ZFP64: variants seen among roughly 807,000 people sequenced by gnomAD.
ZFP64 encodes zinc finger protein 64.
Under a neutral mutation model 51.6 loss-of-function variants are expected in ZFP64, and 14 were observed. The ratio of observed to expected loss-of-function variants is 0.27; its 90% CI spans 0.18 to 0.42. The LOEUF (loss-of-function observed/expected upper bound fraction) is 0.42. Among genes scored for constraint, ZFP64 ranks in the 10% least tolerant of loss-of-function variants. The pLI is 1.00. For synonymous variants in ZFP64, 375 were observed against 361.4 expected, an observed-to-expected ratio of 1.04 and a Z score of -0.43; for missense variants, 754 against 906.8, an observed-to-expected ratio of 0.83 and a Z score of 2.16.
At chr20:52,127,213 G>A (rs1040795073) in intron 5 of ZFP64, among the ~76,000 whole-genome samples, 5 of 152,052 alleles carry the variant, frequency 3.3e-5, no homozygotes, top group African/African-American at 1.2e-4. Context: ...GCCTCCCAAA[G>A]TGCTGGGATT....
chr20:52,159,849 G>T (rs1025077283), intron 5 of ZFP64, among the ~76,000 whole-genome samples: 1 of 152,102 alleles, frequency 6.6e-6, no homozygotes, highest in Non-Finnish European at 1.5e-5. Context: ...TTAGCTGGAC[G>T]TGGTGCAACA....
chr20:52,185,685 A>G (rs1983912533), intron 2 of ZFP64, among the ~76,000 whole-genome samples: 1 of 149,288 alleles, frequency 6.7e-6, no homozygotes, highest in Admixed American at 6.8e-5. Flanking sequence ...GGTTCAAGCG[A>G]TTCTCCTGCC....
In ZFP64 at chr20:52,127,196, G is replaced by A. The variant is rs1018712617; in HGVS notation, c.764-28609C>T. ...CAATCTCCTGACCTCATGATCCGCC[G>A]GCCTCGGCCTCCCAAAGTGCTGGGA... is the stretch of plus-strand genomic sequence containing the variant. On this transcript the variant is annotated intron_variant, in intron 5 of 8. Transcript: ENST00000361387. Among the ~76,000 whole-genome samples the A allele has an allele frequency of 5.9e-5, 9 of 151,892 alleles. No homozygotes were observed. In the East Asian group the frequency reaches 7.7e-4, roughly 13 times the overall value.
chr20:52,176,598 T>C (rs1180778556), intron 2 of ZFP64, among the ~76,000 whole-genome samples: 1 of 150,640 alleles, frequency 6.6e-6, no homozygotes, highest in Non-Finnish European at 1.5e-5. Context: ...CAAGCTCCGC[T>C]TCCCGGGTTC....
intron 5 of ZFP64, chr20:52,111,138 G>A (rs1978548145): frequency 9.6e-6 from 7 of 729,042 alleles, no homozygotes; most frequent in East Asian, 2.7e-5. Context: ...CCACATCGCC[G>A]GGTTCCGCGA....
intron 5 of ZFP64, among the ~76,000 whole-genome samples, chr20:52,109,892 C>A (rs1483369502): frequency 6.6e-6 from 1 of 150,442 alleles, no homozygotes; most frequent in Non-Finnish European, 1.5e-5. Context: ...TATCACATAA[C>A]AAGGGAATCA....
intron 5 of ZFP64, among the ~76,000 whole-genome samples, chr20:52,143,025 C>G (rs2122919896): frequency 7.0e-6 from 1 of 142,336 alleles, no homozygotes; most frequent in Non-Finnish European, 1.6e-5. Flanking sequence ...TTGCTGAAGG[C>G]TCATATGATT....
At chr20:52,084,408 C>A in exon 9 of ZFP64, 1 of 731,470 alleles carries the variant, frequency 1.4e-6, no homozygotes. Context: ...TCACTGTCGC[C>A]CAGCCATCGC....
chr20:52,092,255 C>A (rs1440482253), intron 7 of ZFP64, among the ~76,000 whole-genome samples: 2 of 152,218 alleles, frequency 1.3e-5, no homozygotes, highest in African/African-American at 4.8e-5. Context: ...CTGTTTGGTG[C>A]TTTCCTCTGC....
chr20:52,097,311 C>T (rs147159936), intron 7 of ZFP64: 295 of 1,550,796 alleles, frequency 1.9e-4, no homozygotes, highest in Admixed American at 1.0e-3. Context: ...GTGTCCCTAG[C>T]GCTTAATTCA....
At chr20:52,097,123 AG>A in intron 7 of ZFP64, 1 of 742,146 alleles carries the variant, frequency 1.3e-6, no homozygotes, top group Non-Finnish European at 2.5e-6. Context: ...TAAAAAAAAA[AG>A]CACCTTTAAG....
At chr20:52,180,221 T>C (rs1983514475) in intron 2 of ZFP64, among the ~76,000 whole-genome samples, 1 of 152,200 alleles carries the variant, frequency 6.6e-6, no homozygotes, top group Admixed American at 6.5e-5. Flanking sequence ...AGGGGCTGCT[T>C]TCCTCTTTCT....
intron 2 of ZFP64, chr20:52,175,875 C>CCCCCCAA (rs2123087430): frequency 1.6e-5 from 15 of 965,596 alleles, no homozygotes; most frequent in Non-Finnish European, 1.8e-5. Flanking sequence ...CCCCCGCCCC[C>CCCCCCAA]AAAATAATTC....
intron 2 of ZFP64, among the ~76,000 whole-genome samples, chr20:52,167,568 C>T (rs1359151760): frequency 6.7e-6 from 1 of 148,408 alleles, no homozygotes; most frequent in Non-Finnish European, 1.5e-5. Context: ...TTCCCTCCCT[C>T]CCTTCTTTCC....
At chr20:52,124,776 C>T (rs1979369580) in intron 5 of ZFP64, among the ~76,000 whole-genome samples, 1 of 148,456 alleles carries the variant, frequency 6.7e-6, no homozygotes, top group South Asian at 2.1e-4. Flanking sequence ...TTTGTATTTT[C>T]TTTTTTTTTT....
intron 2 of ZFP64, chr20:52,175,923 T>C: frequency 2.1e-6 from 2 of 970,922 alleles, no homozygotes; most frequent in Non-Finnish European, 2.4e-6. Flanking sequence ...CCCCTTTCAC[T>C]TACGCTGTTC....
chr20:52,102,354 G>T (rs1006336307), intron 5 of ZFP64, among the ~76,000 whole-genome samples: 4 of 152,040 alleles, frequency 2.6e-5, no homozygotes, highest in African/African-American at 9.7e-5. Context: ...TGGAGCCTGC[G>T]ATTTTTCACT....
At chr20:52,179,664 A>G (rs943960891) in intron 2 of ZFP64, among the ~76,000 whole-genome samples, 11 of 152,186 alleles carry the variant, frequency 7.2e-5, no homozygotes, top group Non-Finnish European at 1.3e-4. Context: ...GGCCTTCCCC[A>G]TGTCATTGTC....
At chr20:52,176,505 C>CTCTTTTTTTTT (rs1555810297) in intron 2 of ZFP64, among the ~76,000 whole-genome samples, 3 of 136,732 alleles carry the variant, frequency 2.2e-5, no homozygotes, top group African/African-American at 8.3e-5. Context: ...TTCAATCTCT[C>CTCTTTTTTTTT]TTTTTTTTTT....
Sources: gnomAD v4.1 joint callset for allele counts (sites outside exome capture counted in the v4.1 genomes callset) on GRCh38, gnomAD v4.1.1 for gene constraint, MANE v1.5 for transcripts, NCBI Gene and HGNC (gene_info 2026-07-23, HGNC 2026-07-21) for gene names.